The following GFPT2 variants were observed in gnomAD, a reference collection of about 807,000 sequenced individuals.
GFPT2 encodes glutamine--fructose-6-phosphate aminotransferase [isomerizing] 2.
GFPT2 carries 62 observed loss-of-function variants against 85.6 expected under a neutral mutation model. That is an observed-to-expected ratio of 0.72 (90% confidence interval 0.59 to 0.90). GFPT2 has a LOEUF of 0.90. GFPT2 is among the 40% of genes least tolerant of loss of function. The pLI, the probability that GFPT2 is intolerant of heterozygous loss-of-function variation, is 0.00. For missense variants in GFPT2, 788 were observed against 893.4 expected, an observed-to-expected ratio of 0.88 and a Z score of 1.50; for synonymous variants, 368 against 344.5, an observed-to-expected ratio of 1.07 and a Z score of -0.75.
Position 180,301,466 on chromosome 5 carries a change from T to C in GFPT2, c.*98A>G, listed in dbSNP as rs1763670557. ...AAGCTCTACAGGAGCACGCAGAACA[T>C]GTGGGATGTCCACTTCTCTTCCCAT... On this transcript the variant is annotated 3_prime_UTR_variant, in exon 19 of 19. Coordinates refer to ENST00000253778, the MANE Select transcript of GFPT2 (RefSeq NM_005110.4). 8 of 1,039,646 alleles carry C rather than the reference T, an allele frequency of 7.7e-6. No homozygotes were observed. Among genetic ancestry groups the C allele is most frequent in the Non-Finnish European group, 9.1e-6 (6 of 659,122 alleles). 64.4% of individuals were successfully genotyped at this position (1,039,646 alleles called of 1,614,324 possible). A position where few individuals can be genotyped will look rare whatever the true frequency, so the allele number is the denominator to read the frequency against.
chr5:180,310,568 A>G (rs1348000531), intron 15 of GFPT2, among the ~76,000 whole-genome samples: 2 of 147,240 alleles, frequency 1.4e-5, no homozygotes, highest in Non-Finnish European at 3.0e-5. Context: ...CTGCCACCAC[A>G]TCCAGCTGCT....
At position 180,328,129 on chromosome 5, in the gene GFPT2, G is replaced by A. The variant is rs573452318; in HGVS notation, c.596+148C>T. 1.8e-4 allele frequency: 100 copies of A among 544,200 alleles called. No individual in the cohort carries two copies. The highest frequency in any genetic ancestry group is 5.8e-4 in the Middle Eastern group (2 of 3,476). 33.7% of individuals were successfully genotyped at this position (544,200 alleles called of 1,614,324 possible). ...CCACCAGCCATGGAGATGGTGGGGC[G>A]CGGTCCCCGGGGCTGAGCCACAGTT... On this transcript the variant is annotated intron_variant, in intron 7 of 18. Transcript: ENST00000253778. The surrounding 1 kb of genome is among the most constrained non-coding windows in gnomAD (Gnocchi z 5.4).
intron 4 of GFPT2, among the ~76,000 whole-genome samples, chr5:180,333,081 A>T (rs1459563560): frequency 6.6e-6 from 1 of 152,084 alleles, no homozygotes; most frequent in Non-Finnish European, 1.5e-5. Context: ...GCTCAGCTTT[A>T]TTTTTTATGT....
Position 180,353,133 on chromosome 5 carries a change from G to A in GFPT2, c.7+78C>T, listed in dbSNP as rs527644678. On this transcript the variant is annotated intron_variant, in intron 1 of 18. Coordinates refer to ENST00000253778, the MANE Select transcript of GFPT2 (RefSeq NM_005110.4). ...CCAGGTCCTCGGCGCCTGCTTGCGG[G>A]CGGAGGCGCGGAGAGGCTGCGGCGC... 2.1e-4 allele frequency: 250 copies of A among 1,173,638 alleles called. 1 individual carries two copies. Among genetic ancestry groups the A allele is most frequent in the Middle Eastern group, 1.3e-3 (4 of 3,086 alleles). 72.7% of individuals were successfully genotyped at this position (1,173,638 alleles called of 1,614,324 possible). A position where few individuals can be genotyped will look rare whatever the true frequency, so the allele number is the denominator to read the frequency against.
rs374787384 is a variant in GFPT2 at position 180,312,404 on chromosome 5, A to G, written c.1546+26T>C. On this transcript the variant is annotated intron_variant, in intron 15 of 18. Transcript: ENST00000253778. ...GCAACAGTCCACTAGATCTGAAAACATGGAAAGCTGAATTCTAGAACATAC... is the reference window on the plus strand; with the variant it reads ...GCAACAGTCCACTAGATCTGAAAACGTGGAAAGCTGAATTCTAGAACATAC... 14 of 1,187,528 alleles carry G rather than the reference A, an allele frequency of 1.2e-5. No homozygotes were observed. The African/African-American group carries it at 1.9e-4, about 17-fold the overall frequency. 73.6% of individuals were successfully genotyped at this position (1,187,528 alleles called of 1,614,324 possible). A position where few individuals can be genotyped will look rare whatever the true frequency, so the allele number is the denominator to read the frequency against.
intron 13 of GFPT2, among the ~76,000 whole-genome samples, chr5:180,314,635 G>T (rs913188298): frequency 3.3e-5 from 5 of 152,214 alleles, no homozygotes; most frequent in Non-Finnish European, 7.3e-5. Flanking sequence ...GCTCTTGGCT[G>T]TGTCTGTCCC....
intron 15 of GFPT2, among the ~76,000 whole-genome samples, chr5:180,309,567 C>T (rs1027330408): frequency 6.6e-6 from 1 of 152,028 alleles, no homozygotes; most frequent in Non-Finnish European, 1.5e-5. Context: ...ATTAAAGGCG[C>T]ACACCACCAC....
In GFPT2 at chr5:180,328,171, G is replaced by A. The variant is rs192656641; in HGVS notation, c.596+106C>T. The A allele has an allele frequency of 4.7e-5, 39 of 834,600 alleles. No individual in the cohort carries two copies. In the Middle Eastern group the frequency reaches 6.8e-4, roughly 14 times the overall value. 51.7% of individuals were successfully genotyped at this position (834,600 alleles called of 1,614,324 possible). ...GCCACAGTTGTTCTTTAGACACCAC[G>A]AGCACCTTTCAGCGTGCCACAGGCC... On this transcript the variant is annotated intron_variant, in intron 7 of 18. Coordinates refer to ENST00000253778, the MANE Select transcript of GFPT2 (RefSeq NM_005110.4). The surrounding 1 kb of genome is among the most constrained non-coding windows in gnomAD (Gnocchi z 5.4).
chr5:180,318,515 G>C lies in GFPT2; in HGVS notation c.958+278C>G, dbSNP rs566721290. ...ATGCCTGAGGGTGGGCATGTGTCCCGCGGAGTCGGTGAAGGAAGGCAGCTG... is the reference window on the plus strand; with the variant it reads ...ATGCCTGAGGGTGGGCATGTGTCCCCCGGAGTCGGTGAAGGAAGGCAGCTG... On this transcript the variant is annotated intron_variant, in intron 10 of 18. Transcript: ENST00000253778. The surrounding 1 kb of genome is among the most constrained non-coding windows in gnomAD (Gnocchi z 4.2). 2 of 428,386 alleles carry C rather than the reference G, an allele frequency of 4.7e-6. No individual in the cohort carries two copies. Among genetic ancestry groups the C allele is most frequent in the Non-Finnish European group, 8.6e-6 (2 of 231,778 alleles). The allele number at this position is 428,386 out of a possible 1,614,324, so 26.5% of individuals were successfully genotyped here.
intron 1 of GFPT2, among the ~76,000 whole-genome samples, chr5:180,346,519 CCTCT>C (rs1462579234): frequency 6.6e-6 from 1 of 152,204 alleles, no homozygotes; most frequent in Non-Finnish European, 1.5e-5. Context: ...CAGCTACATC[CCTCT>C]CTCGTCTTCT....
chr5:180,307,972 C>T (rs951438872), intron 15 of GFPT2, among the ~76,000 whole-genome samples: 7 of 151,472 alleles, frequency 4.6e-5, no homozygotes, highest in African/African-American at 1.7e-4. Context: ...ATTAGCCGGG[C>T]GTGGTTGGGT....
chr5:180,349,868 C>T (rs1010640429), intron 1 of GFPT2, among the ~76,000 whole-genome samples: 10 of 150,240 alleles, frequency 6.7e-5, no homozygotes, highest in Non-Finnish European at 8.9e-5. Flanking sequence ...TCCAGCTCTT[C>T]ACAGTGATTG....
intron 9 of GFPT2, among the ~76,000 whole-genome samples, chr5:180,321,207 C>T (rs7720626): frequency 0.29 from 44,113 of 149,644 alleles, 7,058 homozygotes; most frequent in African/African-American, 0.4. Flanking sequence ...AAAGTAGAAA[C>T]ATGGAGTGAC....
chr5:180,337,770 T>C (rs1197957522), intron 2 of GFPT2, among the ~76,000 whole-genome samples: 2 of 152,134 alleles, frequency 1.3e-5, no homozygotes, highest in Non-Finnish European at 2.9e-5. Flanking sequence ...CTGCCGTCTA[T>C]GCCATCAACC....
In GFPT2 at chr5:180,338,497, C is replaced by G; in HGVS notation, c.111G>C (p.Ser37=). Residue 37 remains serine, a synonymous_variant, in exon 2 of 19, where the codon TCG becomes TCC. Coordinates refer to ENST00000253778, the MANE Select transcript of GFPT2 (RefSeq NM_005110.4). ...LQRLEYRGYD[S]AGVAIDGNNH... The stretch of plus-strand genomic sequence containing the variant: ...GGCGGGCGGCCGCACACCCACCTGC[C>G]GAGTCGTAGCCTCTGTACTCCAGCC... 2 of 1,592,314 alleles carry G rather than the reference C, an allele frequency of 1.3e-6. No individual in the cohort carries two copies. The highest frequency in any genetic ancestry group is 1.7e-6 in the Non-Finnish European group (2 of 1,161,230).
intron 15 of GFPT2, among the ~76,000 whole-genome samples, chr5:180,308,264 A>G (rs1373729994): frequency 3.9e-5 from 6 of 152,042 alleles, no homozygotes; most frequent in Admixed American, 1.3e-4. Context: ...TCGAAAAAAA[A>G]AAAAGAAGAA....
chr5:180,321,782 GT>G (rs1356432791), intron 9 of GFPT2, among the ~76,000 whole-genome samples: 3 of 152,064 alleles, frequency 2.0e-5, no homozygotes, highest in Non-Finnish European at 4.4e-5. Context: ...GTTTTGTTTT[GT>G]TTTGTTTTGT....
chr5:180,347,484 C>T (rs955381720), intron 1 of GFPT2, among the ~76,000 whole-genome samples: 3 of 152,100 alleles, frequency 2.0e-5, no homozygotes, highest in South Asian at 2.1e-4. Context: ...GGAGAGGGAC[C>T]GAGAAAAACT....
At chr5:180,346,559 G>A (rs1160872712) in intron 1 of GFPT2, among the ~76,000 whole-genome samples, 4 of 152,172 alleles carry the variant, frequency 2.6e-5, no homozygotes, top group African/African-American at 2.4e-5. Context: ...ACCGCGTGAC[G>A]TCAACCCCTC....
Sources: allele counts gnomAD v4.1 joint callset (sites outside exome capture counted in the v4.1 genomes callset), GRCh38; gene constraint gnomAD v4.1.1; non-coding constraint Gnocchi (gnomAD v3.1); transcripts MANE v1.5; gene names NCBI Gene and HGNC (gene_info 2026-07-23, HGNC 2026-07-21).